Variants in HEATR5A observed in about 807,000 individuals in gnomAD.
HEATR5A encodes HEAT repeat containing 5A, also known as HEAT repeat-containing protein 5A.
A neutral mutation model predicts 218.8 loss-of-function variants in HEATR5A; 178 were observed. The observed-to-expected ratio is 0.81, with a 90% CI of 0.72 to 0.92. The LOEUF is 0.92. Ranked by LOEUF, HEATR5A falls within the 40% of genes least tolerant of loss-of-function variation. HEATR5A has a pLI of 0.00. For synonymous variants in HEATR5A, 864 were observed against 871.6 expected (o/e 0.99, Z 0.15); for missense variants, 2,420 against 2,418.9 (o/e 1.00, Z -0.01).
At chr14:31,354,175 C>A (rs1350073684) in intron 16 of HEATR5A, among the ~76,000 whole-genome samples, 4 of 151,794 alleles carry the variant, frequency 2.6e-5, no homozygotes, top group African/African-American at 9.7e-5. Context: ...AATGTGACAA[C>A]AATGGGGAAT....
intron 4 of HEATR5A, among the ~76,000 whole-genome samples, chr14:31,396,855 C>T (rs1409271051): frequency 6.6e-6 from 1 of 152,150 alleles, no homozygotes; most frequent in African/African-American, 2.4e-5. Flanking sequence ...TTATCAGTAA[C>T]TTACAACATT....
chr14:31,382,782 G>A (rs1222616080), intron 10 of HEATR5A, among the ~76,000 whole-genome samples: 9 of 149,192 alleles, frequency 6.0e-5, no homozygotes, highest in Non-Finnish European at 1.3e-4. Context: ...ATATTATCTA[G>A]TATGTTTTAA....
At chr14:31,384,686 C>G (rs1364457481) in intron 9 of HEATR5A, among the ~76,000 whole-genome samples, 1 of 151,976 alleles carries the variant, frequency 6.6e-6, no homozygotes, top group Non-Finnish European at 1.5e-5. Flanking sequence ...GCCACTACAC[C>G]TGGCTAATTT....
chr14:31,392,472 G>A (rs1351455302), intron 6 of HEATR5A, among the ~76,000 whole-genome samples: 1 of 152,018 alleles, frequency 6.6e-6, no homozygotes, highest in Non-Finnish European at 1.5e-5. Context: ...TCTTCTCTAT[G>A]TATACTCACT....
intron 27 of HEATR5A, among the ~76,000 whole-genome samples, chr14:31,314,239 C>T (rs963266164): frequency 2.6e-5 from 4 of 151,028 alleles, no homozygotes; most frequent in Non-Finnish European, 4.4e-5. Flanking sequence ...TGAGCCACCG[C>T]GCTGAGGTTA....
chr14:31,380,976 C>T (rs892627791), intron 10 of HEATR5A, among the ~76,000 whole-genome samples: 4 of 152,070 alleles, frequency 2.6e-5, no homozygotes, highest in East Asian at 1.9e-4. Context: ...CAGCCAGGTG[C>T]GGTGGCTCAC....
Position 31,364,254 on chromosome 14 carries a change from G to T in HEATR5A, c.2006C>A (p.Pro669Gln). ...AAGTCTTTGTCTATAAACCACTGAC[G>T]GTGTTTTCAAAGGACTTCCATACAT... is the stretch of plus-strand genomic sequence containing the variant. ...LKMYGSPLKT[P>Q]SVVYRQRLYE... Residue 669 changes from proline (P) to glutamine (Q), a missense_variant, in exon 14 of 36, where the codon CCG becomes CAG. By Grantham distance (76) the Pro-to-Gln change is moderately conservative. Coordinates refer to ENST00000543095, the MANE Select transcript of HEATR5A (RefSeq NM_015473.4). 2 of 1,552,832 alleles carry T rather than the reference G, an allele frequency of 1.3e-6. 1 individual carries two copies. Among genetic ancestry groups the T allele is most frequent in the South Asian group, 2.4e-5 (2 of 83,344 alleles).
chr14:31,407,602 A>ATATATATT (rs2031123455), intron 1 of HEATR5A, among the ~76,000 whole-genome samples: 2 of 968 alleles, frequency 2.1e-3, no homozygotes, highest in African/African-American at 3.8e-3. Flanking sequence ...ATATATATAT[A>ATATATATT]TATATATATA....
chr14:31,372,745 T>C (rs1314926196), intron 12 of HEATR5A, among the ~76,000 whole-genome samples: 1 of 152,158 alleles, frequency 6.6e-6, no homozygotes, highest in African/African-American at 2.4e-5. Flanking sequence ...GAGAATCACT[T>C]GAACCCGGAA....
chr14:31,382,468 G>C (rs2030033067), intron 10 of HEATR5A, among the ~76,000 whole-genome samples: 1 of 152,138 alleles, frequency 6.6e-6, no homozygotes, highest in Admixed American at 6.6e-5. Context: ...TTACGAGTTT[G>C]TGAGAAGTAT....
At chr14:31,302,628 A>G (rs1278903832) in intron 32 of HEATR5A, 109 bp from the exon 33 acceptor site, 1 of 709,242 alleles carries the variant, frequency 1.4e-6, no homozygotes, top group East Asian at 2.7e-5. Context: ...TTTTTAAAAG[A>G]TGATTTCTAA....
chr14:31,311,809 G>A (rs572968288), intron 28 of HEATR5A, among the ~76,000 whole-genome samples: 14 of 152,174 alleles, frequency 9.2e-5, no homozygotes, highest in Non-Finnish European at 1.9e-4. Context: ...GCAAAAGGGT[G>A]TCACTCGCAT....
Position 31,321,697 on chromosome 14 carries a change from CAT to C in HEATR5A, c.3788-19_3788-18del. 6.6e-7 allele frequency: 1 copy of C among 1,518,960 alleles called. No individual in the cohort carries two copies. Among genetic ancestry groups the C allele is most frequent in the Non-Finnish European group, 8.9e-7 (1 of 1,126,854 alleles). The allele number at this position is 1,518,960 out of a possible 1,614,324, so 94.1% of individuals were successfully genotyped here. On this transcript the variant is annotated intron_variant, in intron 24 of 35. Coordinates refer to ENST00000543095, the MANE Select transcript of HEATR5A (RefSeq NM_015473.4). ...AAAAGTCATCTATAAGATTAAAAAA[CAT>C]ATTGGGAGAAAAAAAGATTAGAAAA...
intron 23 of HEATR5A, 103 bp downstream of exon 23, chr14:31,326,060 C>G: frequency 1.3e-6 from 1 of 799,318 alleles, no homozygotes. Flanking sequence ...CAGTCAGAAT[C>G]CAGCTAGTTA....
rs1595103954 is a variant in HEATR5A, at chr14:31,330,772, C to A, written c.3368-4430G>T. On this transcript the variant is annotated intron_variant, in intron 22 of 35. Transcript: ENST00000543095. ...CGCCACTGTGCTCCAGCCTGGGCGA[C>A]AGAGTGAGACTCTGTCTCAAAAAAA... 2.6e-5 allele frequency among the ~76,000 whole-genome samples: 4 copies of A among 151,584 alleles called. No individual in the cohort carries two copies. In the South Asian group the frequency reaches 6.3e-4, roughly 24 times the overall value.
At position 31,383,301 on chromosome 14, in the gene HEATR5A, A is replaced by G. The variant is rs147045530; in HGVS notation, c.1596+220T>C. Reference sequence around the variant, plus strand: ...TGTAAACTATTTTTAAAGTAATACCACAAATAATACCACTAACTAAATTAT... The same window carrying G: ...TGTAAACTATTTTTAAAGTAATACCGCAAATAATACCACTAACTAAATTAT... On this transcript the variant is annotated intron_variant, in intron 10 of 35. Transcript: ENST00000543095. Among the ~76,000 whole-genome samples, 121 of 152,348 alleles carry G rather than the reference A, an allele frequency of 7.9e-4. 1 individual carries two copies. The highest frequency in any genetic ancestry group is 3.4e-3 in the Middle Eastern group (1 of 294).
At chr14:31,337,049 T>A (rs138728438) in intron 22 of HEATR5A, among the ~76,000 whole-genome samples, 12 of 152,320 alleles carry the variant, frequency 7.9e-5, no homozygotes, top group Non-Finnish European at 1.8e-4. Flanking sequence ...ATAGAAAAAG[T>A]ACAGTGAAGA....
chr14:31,311,859 G>C (rs1474853460), intron 28 of HEATR5A, among the ~76,000 whole-genome samples: 3 of 152,160 alleles, frequency 2.0e-5, no homozygotes, highest in Non-Finnish European at 4.4e-5. Flanking sequence ...AAGGAGACAA[G>C]GGGGTTTTTA....
At chr14:31,305,920 T>C (rs576380278) in intron 31 of HEATR5A, among the ~76,000 whole-genome samples, 66 of 152,342 alleles carry the variant, frequency 4.3e-4, no homozygotes, top group African/African-American at 1.5e-3. Flanking sequence ...TTAAATCCAC[T>C]GTTATATTGG....
Sources: gnomAD v4.1 joint callset for allele counts (sites outside exome capture counted in the v4.1 genomes callset) on GRCh38, gnomAD v4.1.1 for gene constraint, MANE v1.5 for transcripts, NCBI Gene and HGNC (gene_info 2026-07-23, HGNC 2026-07-21) for gene names.